The following RWDD1 variants were observed in gnomAD, a reference collection of about 807,000 sequenced individuals.
The protein encoded by RWDD1 is RWD domain containing 1.
Under a neutral mutation model 31.6 loss-of-function variants are expected in RWDD1, and 17 were observed. The ratio of observed to expected loss-of-function variants is 0.54; its 90% CI spans 0.37 to 0.81. The LOEUF is 0.81. RWDD1 is among the 30% of genes least tolerant of loss of function. The pLI is 0.00. For synonymous variants in RWDD1, 78 were observed against 94.2 expected, an observed-to-expected ratio of 0.83 and a Z score of 0.99; for missense variants, 204 against 274.5, an observed-to-expected ratio of 0.74 and a Z score of 1.82.
intron 5 of RWDD1, among the ~76,000 whole-genome samples, chr6:116,590,620 T>C (rs1458711132): frequency 6.6e-6 from 1 of 152,168 alleles, no homozygotes; most frequent in African/African-American, 2.4e-5. Context: ...AATTACTAGA[T>C]CCTGTGATAG....
chr6:116,587,446 CACA>C (rs1209632329), intron 3 of RWDD1, among the ~76,000 whole-genome samples: 8 of 152,106 alleles, frequency 5.3e-5, no homozygotes, highest in Non-Finnish European at 1.2e-4. Context: ...CTTCTAGTCA[CACA>C]ACATTTATTG....
chr6:116,589,252 G>A (rs1229642167), intron 4 of RWDD1, among the ~76,000 whole-genome samples: 2 of 152,112 alleles, frequency 1.3e-5, no homozygotes, highest in Admixed American at 6.6e-5. Context: ...ATGATATAGA[G>A]CCAGGGGTGT....
Position 116,571,523 on chromosome 6 carries a change from C to T in RWDD1, c.-60C>T, listed in dbSNP as rs996102032. On this transcript the variant is annotated 5_prime_UTR_variant, in exon 1 of 7. Coordinates refer to ENST00000466444, the MANE Select transcript of RWDD1 (RefSeq NM_015952.4). ...CCCGCTCTCCCGGCGCGGCAGCTGT[C>T]TGGGCTGCTGCGCGCCGCCTAGGTG... 2 of 1,562,672 alleles carry T rather than the reference C, an allele frequency of 1.3e-6. No homozygotes were observed. Among genetic ancestry groups the T allele is most frequent in the South Asian group, 1.2e-5 (1 of 86,570 alleles).
intron 3 of RWDD1, among the ~76,000 whole-genome samples, chr6:116,585,264 A>T (rs1335597347): frequency 1.5e-5 from 1 of 65,590 alleles, no homozygotes; most frequent in African/African-American, 3.3e-5. Context: ...GCAGTCTGGG[A>T]AAAGGACTGG....
chr6:116,595,615 C>A lies in RWDD1; in HGVS notation c.*2514C>A, dbSNP rs1583338819. The A allele has an allele frequency of 6.6e-6, 1 of 152,182 alleles. No individual in the cohort carries two copies. The highest frequency in any genetic ancestry group is 1.9e-4 in the East Asian group (1 of 5,202). 9.4% of individuals were successfully genotyped at this position (152,182 alleles called of 1,614,324 possible). A position where few individuals can be genotyped will look rare whatever the true frequency, so the allele number is the denominator to read the frequency against. Reference sequence around the variant, plus strand: ...AAAATGTCACTAGGTTAAAAACAAACACAGATATGTTTATTCATTACTGTA... The same window carrying A: ...AAAATGTCACTAGGTTAAAAACAAAAACAGATATGTTTATTCATTACTGTA... On this transcript the variant is annotated 3_prime_UTR_variant, in exon 7 of 7. Coordinates refer to ENST00000466444, the MANE Select transcript of RWDD1 (RefSeq NM_015952.4).
intron 3 of RWDD1, among the ~76,000 whole-genome samples, chr6:116,587,251 T>C (rs1775059174): frequency 1.3e-5 from 2 of 152,130 alleles, no homozygotes; most frequent in Admixed American, 1.3e-4. Context: ...TATGACAGAA[T>C]CTTATGAAAT....
intron 1 of RWDD1, among the ~76,000 whole-genome samples, chr6:116,573,243 G>C (rs1351109691): frequency 6.6e-6 from 1 of 151,810 alleles, no homozygotes; most frequent in East Asian, 1.9e-4. Context: ...ATCTTTTTTT[G>C]TTTTTAACCC....
chr6:116,592,829 C>A, intron 6 of RWDD1, 151 bp from the exon 7 acceptor site: 1 of 724,614 alleles, frequency 1.4e-6, no homozygotes, highest in Non-Finnish European at 2.2e-6. Context: ...CAATGCAAAT[C>A]ACTGTTGATA....
At chr6:116,581,798 A>C (rs1199038053) in intron 2 of RWDD1, among the ~76,000 whole-genome samples, 1 of 152,064 alleles carries the variant, frequency 6.6e-6, no homozygotes, top group African/African-American at 2.4e-5. Flanking sequence ...GAGACTTTGA[A>C]AATGTTCATA....
intron 1 of RWDD1, 123 bp from the exon 2 acceptor site, chr6:116,580,172 T>G: frequency 3.8e-6 from 2 of 520,132 alleles, no homozygotes; most frequent in South Asian, 3.1e-5. Context: ...CAGTCTGTAT[T>G]TGTGGAAATG....
chr6:116,579,495 G>C (rs1774911261), intron 1 of RWDD1, among the ~76,000 whole-genome samples: 1 of 151,910 alleles, frequency 6.6e-6, no homozygotes, highest in African/African-American at 2.4e-5. Context: ...TGTTTTATTG[G>C]GGCAATATTA....
In RWDD1 at chr6:116,593,054, G is replaced by C; in HGVS notation, c.685G>C (p.Asp229His). The change falls in exon 7 of 7, where the codon GAT becomes CAT. Residue 229 changes from aspartate to histidine, a missense_variant. Coordinates refer to ENST00000466444, the MANE Select transcript of RWDD1 (RefSeq NM_015952.4). Reference sequence around the variant, plus strand: ...CTTGGAGCTGGAGGATGATGAAGATGATCCAGACTATAATCCTGCTGACCC... The same window carrying C: ...CTTGGAGCTGGAGGATGATGAAGATCATCCAGACTATAATCCTGCTGACCC... The part of the protein sequence containing the change: ...DDLELEDDED[D>H]PDYNPADPES... The C allele has an allele frequency of 6.2e-7, 1 of 1,613,522 alleles. No homozygotes were observed. The highest frequency in any genetic ancestry group is 8.5e-7 in the Non-Finnish European group (1 of 1,179,792).
Position 116,593,059 on chromosome 6 carries a change from A to G in RWDD1, c.690A>G (p.Pro230=). The G allele has an allele frequency of 1.9e-6, 3 of 1,613,986 alleles. No homozygotes were observed. Among genetic ancestry groups the G allele is most frequent in the East Asian group, 2.2e-5 (1 of 44,868 alleles). The part of the protein sequence containing the change: ...DLELEDDEDD[P]DYNPADPESD... ...AGCTGGAGGATGATGAAGATGATCC[A>G]GACTATAATCCTGCTGACCCAGAGA... The change falls in exon 7 of 7, where the codon CCA becomes CCG. Residue 230 remains proline, a synonymous_variant. Coordinates refer to ENST00000466444, the MANE Select transcript of RWDD1 (RefSeq NM_015952.4).
chr6:116,579,060 G>T (rs1774903867), intron 1 of RWDD1, among the ~76,000 whole-genome samples: 1 of 152,264 alleles, frequency 6.6e-6, no homozygotes, highest in South Asian at 2.1e-4. Context: ...GTTTTTAGTA[G>T]TGATGAGGTT....
In RWDD1 at chr6:116,596,697, T is replaced by C. The variant is rs1295638845; in HGVS notation, c.*3596T>C. 6.6e-6 allele frequency: 1 copy of C among 152,190 alleles called. No individual in the cohort carries two copies. The highest frequency in any genetic ancestry group is 2.4e-5 in the African/African-American group (1 of 41,446). 9.4% of individuals were successfully genotyped at this position (152,190 alleles called of 1,614,324 possible). On this transcript the variant is annotated 3_prime_UTR_variant, in exon 7 of 7. Coordinates refer to ENST00000466444, the MANE Select transcript of RWDD1 (RefSeq NM_015952.4). ...AATACACAAATTTCTTTTGCAGTTA[T>C]TGATTTGGAATGATCACTTTAAAAG...
chr6:116,585,042 A>C (rs531905465), intron 3 of RWDD1, among the ~76,000 whole-genome samples, 185 bp downstream of exon 3: 2 of 152,222 alleles, frequency 1.3e-5, no homozygotes, highest in South Asian at 4.1e-4. Flanking sequence ...TGAGTAATAG[A>C]ATTTGTCCCA....
intron 1 of RWDD1, chr6:116,580,058 A>G (rs1774921826): frequency 3.3e-6 from 1 of 300,458 alleles, no homozygotes; most frequent in South Asian, 1.6e-4. Context: ...GACTTGGTAA[A>G]ACTCCAAGAG....
At position 116,594,741 on chromosome 6, in the gene RWDD1, T is replaced by C. The variant is rs1024578070; in HGVS notation, c.*1640T>C. The C allele has an allele frequency of 6.6e-6, 1 of 152,148 alleles. No homozygotes were observed. The highest frequency in any genetic ancestry group is 2.4e-5 in the African/African-American group (1 of 41,424). The allele number at this position is 152,148 out of a possible 1,614,324, so 9.4% of individuals were successfully genotyped here. A position where few individuals can be genotyped will look rare whatever the true frequency, so the allele number is the denominator to read the frequency against. On this transcript the variant is annotated 3_prime_UTR_variant, in exon 7 of 7. Transcript: ENST00000466444. ...CATGCAAGTTATTCAGTCACTACAG[T>C]TTTGGAGGACTGACTCTTAACCCCA...
At chr6:116,581,678 A>C (rs1031693052) in intron 2 of RWDD1, among the ~76,000 whole-genome samples, 3 of 152,070 alleles carry the variant, frequency 2.0e-5, no homozygotes, top group African/African-American at 7.2e-5. Context: ...TTAAAAATGC[A>C]AGCTAAAATA....
Sources: gnomAD v4.1 joint callset for allele counts (sites outside exome capture counted in the v4.1 genomes callset) on GRCh38, gnomAD v4.1.1 for gene constraint, MANE v1.5 for transcripts, NCBI Gene and HGNC (gene_info 2026-07-23, HGNC 2026-07-21) for gene names.